The following FANCC variants were observed in gnomAD, a reference collection of about 807,000 sequenced individuals.
FANCC encodes the protein FA complementation group C.
FANCC carries 55 observed loss-of-function variants against 71.3 expected under a neutral mutation model. That is an observed-to-expected ratio of 0.77 (90% CI 0.62 to 0.97). The LOEUF (loss-of-function observed/expected upper bound fraction) is 0.97, where lower values mean the gene tolerates loss of function less well. Among genes scored for constraint, FANCC ranks in the 50% least tolerant of loss-of-function variants. The pLI is 0.00. For missense variants in FANCC, 678 were observed against 670.9 expected (o/e 1.01, Z -0.12); for synonymous variants, 275 against 244.9 (o/e 1.12, Z -1.15).
chr9:95,269,380 AG>A (rs1396454909), intron 1 of FANCC, among the ~76,000 whole-genome samples: 1 of 152,254 alleles, frequency 6.6e-6, no homozygotes, highest in Admixed American at 6.5e-5. Flanking sequence ...ACTCGTTGAA[AG>A]ATGATTACAA....
intron 1 of FANCC, among the ~76,000 whole-genome samples, chr9:95,285,667 C>G (rs905460536): frequency 6.6e-6 from 1 of 151,844 alleles, no homozygotes; most frequent in African/African-American, 2.4e-5. Flanking sequence ...GGGCAAGATC[C>G]TGTCTTGAAA....
intron 6 of FANCC, among the ~76,000 whole-genome samples, chr9:95,170,679 T>TGTGTGTGTGTGTGTGTGTGTGTGTG (rs1554842441): frequency 6.2e-5 from 9 of 144,646 alleles, no homozygotes; most frequent in Non-Finnish European, 9.2e-5. Context: ...TGTGTGTGTG[T>TGTGTGTGTGTGTGTGTGTGTGTGTG]TGGGAGCAGA....
intron 1 of FANCC, among the ~76,000 whole-genome samples, chr9:95,263,251 C>T (rs1414162793): frequency 6.6e-6 from 1 of 152,120 alleles, no homozygotes; most frequent in African/African-American, 2.4e-5. Flanking sequence ...GGGCTGCACA[C>T]ACTGCTAGTT....
chr9:95,313,378 T>C (rs1295202962), intron 1 of FANCC, among the ~76,000 whole-genome samples: 1 of 152,234 alleles, frequency 6.6e-6, no homozygotes, highest in African/African-American at 2.4e-5. Context: ...CGCGCGCATG[T>C]GTGCACAACC....
chr9:95,144,631 G>A (rs533945599), intron 7 of FANCC, among the ~76,000 whole-genome samples: 35 of 152,308 alleles, frequency 2.3e-4, no homozygotes, highest in African/African-American at 8.2e-4. Flanking sequence ...CTAGACACGG[G>A]GGTGGCTGAG....
intron 4 of FANCC, among the ~76,000 whole-genome samples, chr9:95,176,068 A>AGG (rs1825995895): frequency 6.6e-6 from 1 of 152,230 alleles, no homozygotes; most frequent in Middle Eastern, 3.2e-3. Flanking sequence ...ACTACACACC[A>AGG]GGGGCTGTTC....
rs1831054820 is a variant in FANCC at position 95,247,424 on chromosome 9, A to T, written c.250+8T>A. 1.2e-6 allele frequency: 2 copies of T among 1,605,772 alleles called. No homozygotes were observed. Among genetic ancestry groups the T allele is most frequent in the Non-Finnish European group, 8.5e-7 (1 of 1,172,614 alleles). On this transcript the variant is annotated splice_region_variant and intron_variant, in intron 3 of 14. Transcript: ENST00000289081. ...GCCATTTTGAGAGGACACGTTTTTGATTCTTACCATATGCTAAAATAAAAG... is the reference window on the plus strand; with the variant it reads ...GCCATTTTGAGAGGACACGTTTTTGTTTCTTACCATATGCTAAAATAAAAG...
At chr9:95,171,191 TA>T (rs1825657778) in intron 5 of FANCC, 48 bp from the exon 6 acceptor site, 1 of 1,394,154 alleles carries the variant, frequency 7.2e-7, no homozygotes, top group Admixed American at 1.7e-5. Context: ...CAAACAGGAT[TA>T]CATCAGTTCT....
chr9:95,311,755 A>G (rs1835420672), intron 1 of FANCC, among the ~76,000 whole-genome samples: 1 of 143,006 alleles, frequency 7.0e-6, no homozygotes, highest in Non-Finnish European at 1.6e-5. Context: ...GAAAAACCGC[A>G]GCCTCAAACT....
intron 9 of FANCC, among the ~76,000 whole-genome samples, chr9:95,126,256 T>C (rs1588105463): frequency 6.6e-6 from 1 of 152,354 alleles, no homozygotes; most frequent in East Asian, 1.9e-4. Context: ...TTTCATGATA[T>C]TAATGCCTAA....
At chr9:95,164,006 A>C (rs1477480904) in intron 6 of FANCC, among the ~76,000 whole-genome samples, 1 of 152,088 alleles carries the variant, frequency 6.6e-6, no homozygotes. Context: ...TTATTCCTAA[A>C]TATTTTATTC....
intron 4 of FANCC, among the ~76,000 whole-genome samples, chr9:95,235,926 T>C (rs760284794): frequency 1.3e-5 from 2 of 151,386 alleles, no homozygotes; most frequent in Non-Finnish European, 2.9e-5. Context: ...TGTTCTGTTC[T>C]ATTTCCTTGG....
intron 1 of FANCC, among the ~76,000 whole-genome samples, chr9:95,301,959 G>A (rs1834762608): frequency 1.3e-5 from 2 of 149,640 alleles, no homozygotes; most frequent in Non-Finnish European, 3.0e-5. Flanking sequence ...GCGGGCGCCT[G>A]TACTCCCAGC....
intron 14 of FANCC, among the ~76,000 whole-genome samples, chr9:95,104,592 G>A (rs1220699997): frequency 1.3e-5 from 2 of 152,202 alleles, no homozygotes; most frequent in East Asian, 1.9e-4. Context: ...TCTTGAGGGC[G>A]ATCTGCTTTG....
intron 1 of FANCC, among the ~76,000 whole-genome samples, chr9:95,309,412 T>G (rs1327223607): frequency 6.6e-6 from 1 of 152,250 alleles, no homozygotes; most frequent in Non-Finnish European, 1.5e-5. Flanking sequence ...ATATTATTTG[T>G]ATAAATGTAT....
rs1031660641 is a variant in FANCC, at chr9:95,238,628, T to C, written c.345+2021A>G. ...TCACCCAGGCTGGAGTGCAGTGGCATGATATCAGCTCACTGCAACCTCTGC... is the reference window on the plus strand; with the variant it reads ...TCACCCAGGCTGGAGTGCAGTGGCACGATATCAGCTCACTGCAACCTCTGC... On this transcript the variant is annotated intron_variant, in intron 4 of 14. Coordinates refer to ENST00000289081, the MANE Select transcript of FANCC (RefSeq NM_000136.3). Among the ~76,000 whole-genome samples, 6 of 151,932 alleles carry C rather than the reference T, an allele frequency of 3.9e-5. No individual in the cohort carries two copies. The East Asian group carries it at 1.2e-3, about 29-fold the overall frequency.
chr9:95,199,079 T>C (rs550474473), intron 4 of FANCC, among the ~76,000 whole-genome samples: 1 of 152,020 alleles, frequency 6.6e-6, no homozygotes, highest in Non-Finnish European at 1.5e-5. Context: ...TTTGAAAGAG[T>C]ATTTTGAATT....
chr9:95,293,624 A>G (rs1834190986), intron 1 of FANCC: 1 of 1,614,232 alleles, frequency 6.2e-7, no homozygotes, highest in African/African-American at 1.3e-5. Flanking sequence ...TACCTTCTGC[A>G]CAGTGGGCCA....
chr9:95,241,038 A>G (rs1194161608), intron 3 of FANCC, among the ~76,000 whole-genome samples: 1 of 152,176 alleles, frequency 6.6e-6, no homozygotes, highest in East Asian at 1.9e-4. Context: ...TTGTGTGGTC[A>G]ATTTCCTTTC....
Sources: gnomAD v4.1 joint callset for allele counts (sites outside exome capture counted in the v4.1 genomes callset) on GRCh38, gnomAD v4.1.1 for gene constraint, MANE v1.5 for transcripts, NCBI Gene and HGNC (gene_info 2026-07-23, HGNC 2026-07-21) for gene names.